The following MYRFL variants were observed in gnomAD, a reference collection of about 807,000 sequenced individuals.
MYRFL encodes myelin regulatory factor-like protein.
Under a neutral mutation model 109.4 loss-of-function variants are expected in MYRFL, and 88 were observed. The observed-to-expected ratio is 0.80, with a 90% confidence interval of 0.68 to 0.96. MYRFL has a LOEUF of 0.96. Ranked by LOEUF, MYRFL falls within the 40% of genes least tolerant of loss-of-function variation. The pLI is 0.00. For missense variants in MYRFL, 957 were observed against 954.9 expected (o/e 1.00, Z -0.03); for synonymous variants, 324 against 320.9 (o/e 1.01, Z -0.10).
intron 1 of MYRFL, among the ~76,000 whole-genome samples, chr12:69,850,748 C>G (rs1049137582): frequency 6.6e-6 from 1 of 152,114 alleles, no homozygotes; most frequent in Non-Finnish European, 1.5e-5. Flanking sequence ...GAATTTCAGT[C>G]TAAATCCTAT....
intron 19 of MYRFL, among the ~76,000 whole-genome samples, chr12:69,939,837 G>C (rs1436106684): frequency 6.6e-6 from 1 of 152,142 alleles, no homozygotes; most frequent in Non-Finnish European, 1.5e-5. Flanking sequence ...CCAATACAGA[G>C]AAGTGCTTAA....
intron 20 of MYRFL, 122 bp downstream of exon 20, chr12:69,952,297 A>G: frequency 1.2e-6 from 1 of 826,148 alleles, no homozygotes; most frequent in Admixed American, 2.0e-5. Flanking sequence ...TGCCACGCAT[A>G]TCCATGGGAC....
chr12:69,851,444 A>T (rs182573928), intron 1 of MYRFL, among the ~76,000 whole-genome samples: 1 of 152,354 alleles, frequency 6.6e-6, no homozygotes, highest in African/African-American at 2.4e-5. Flanking sequence ...ACTTATGAAC[A>T]TCAAAACATG....
chr12:69,879,260 G>A lies in MYRFL; in HGVS notation c.271G>A (p.Ala91Thr), dbSNP rs1266039775. The A allele has an allele frequency of 5.7e-6, 4 of 702,762 alleles. No individual in the cohort carries two copies. Among genetic ancestry groups the A allele is most frequent in the African/African-American group, 5.2e-5 (3 of 57,250 alleles). 43.5% of individuals were successfully genotyped at this position (702,762 alleles called of 1,614,324 possible). A position where few individuals can be genotyped will look rare whatever the true frequency, so the allele number is the denominator to read the frequency against. ...TCCAGCTCCTTTTCTCCACCCCACA[G>A]CTGCTCCTGCGATGCCGCCCATGCA... Reference protein sequence around the residue: ...RTPAPFLHPTAAPAMPPMHPL... With the variant: ...RTPAPFLHPTTAPAMPPMHPL... The change falls in exon 4 of 25, where the codon GCT becomes ACT. Residue 91 changes from alanine (A) to threonine (T), a missense_variant. Coordinates refer to ENST00000552032, the MANE Select transcript of MYRFL (RefSeq NM_182530.3).
chr12:69,890,123 C>T (rs1231431836), intron 6 of MYRFL, among the ~76,000 whole-genome samples: 2 of 152,158 alleles, frequency 1.3e-5, no homozygotes, highest in South Asian at 4.1e-4. Flanking sequence ...GATTGTATAA[C>T]TGGCTCTGGT....
At chr12:69,932,856 G>A (rs1955310567) in intron 16 of MYRFL, among the ~76,000 whole-genome samples, 1 of 98,934 alleles carries the variant, frequency 1.0e-5, no homozygotes, top group African/African-American at 3.2e-5. Flanking sequence ...AGCAAACTGT[G>A]CCTTTCGTGT....
At chr12:69,902,603 G>A (rs1195672680) in intron 10 of MYRFL, among the ~76,000 whole-genome samples, 1 of 152,062 alleles carries the variant, frequency 6.6e-6, no homozygotes, top group African/African-American at 2.4e-5. Flanking sequence ...AGATAATCAG[G>A]ATCACAACTG....
intron 19 of MYRFL, among the ~76,000 whole-genome samples, chr12:69,946,090 A>C (rs1455642382): frequency 2.0e-5 from 3 of 151,400 alleles, no homozygotes; most frequent in Non-Finnish European, 4.4e-5. Flanking sequence ...AATGTATACT[A>C]ATTTATTATT....
chr12:69,932,161 G>A lies in MYRFL; in HGVS notation c.1831-352G>A, dbSNP rs991786175. 1.2e-3 allele frequency among the ~76,000 whole-genome samples: 170 copies of A among 140,096 alleles called. 1 individual carries two copies. Among genetic ancestry groups the A allele is most frequent in the Non-Finnish European group, 2.1e-3 (128 of 61,050 alleles). 91.9% of individuals were successfully genotyped at this position (140,096 alleles called of 152,430 possible). A position where few individuals can be genotyped will look rare whatever the true frequency, so the allele number is the denominator to read the frequency against. Reference sequence around the variant, plus strand: ...TTTTCAAAAGTATCCTACTCAAAGAGATGCACATCATCTGTGGTCTGACAA... The same window carrying A: ...TTTTCAAAAGTATCCTACTCAAAGAAATGCACATCATCTGTGGTCTGACAA... On this transcript the variant is annotated intron_variant, in intron 15 of 24. Transcript: ENST00000552032.
intron 13 of MYRFL, among the ~76,000 whole-genome samples, chr12:69,923,072 T>A (rs1378377393): frequency 1.3e-5 from 2 of 152,258 alleles, no homozygotes; most frequent in Non-Finnish European, 2.9e-5. Flanking sequence ...AAACTATTTT[T>A]AAAAATTGAA....
At chr12:69,908,369 G>A (rs1954444024) in intron 11 of MYRFL, among the ~76,000 whole-genome samples, 1 of 152,210 alleles carries the variant, frequency 6.6e-6, no homozygotes, top group Non-Finnish European at 1.5e-5. Flanking sequence ...ATAAAGCAGA[G>A]GAACTTTGCC....
chr12:69,908,848 A>G (rs1477356081), intron 11 of MYRFL, among the ~76,000 whole-genome samples: 2 of 152,090 alleles, frequency 1.3e-5, no homozygotes, highest in East Asian at 1.9e-4. Flanking sequence ...AGATTGTTTC[A>G]TCACCCAGGT....
chr12:69,825,524 GTGGTAGGCGAAA>G lies in MYRFL; in HGVS notation c.8_19del (p.Val3_Asn7delinsAsp). The G allele has an allele frequency of 1.4e-6, 1 of 701,982 alleles. No individual in the cohort carries two copies. The highest frequency in any genetic ancestry group is 2.7e-5 in the East Asian group (1 of 37,264). The allele number at this position is 701,982 out of a possible 1,614,324, so 43.5% of individuals were successfully genotyped here. The stretch of plus-strand genomic sequence containing the variant: ...GTACTAGGATCACAGTACCATGGAT[GTGGTAGGCGAAA>G]ATGAGGCCCTGCAGCAGTTCTTTGA... On this transcript the variant is annotated inframe_deletion, in exon 1 of 25. Transcript: ENST00000552032.
At chr12:69,949,450 C>T (rs1036159944) in intron 19 of MYRFL, among the ~76,000 whole-genome samples, 1 of 152,158 alleles carries the variant, frequency 6.6e-6, no homozygotes, top group Admixed American at 6.5e-5. Flanking sequence ...ACTCCCTGGG[C>T]TCCCTCCCTG....
At chr12:69,943,056 T>G (rs1955714364) in intron 19 of MYRFL, among the ~76,000 whole-genome samples, 1 of 151,140 alleles carries the variant, frequency 6.6e-6, no homozygotes, top group Non-Finnish European at 1.5e-5. Context: ...TGGAAGAACA[T>G]TCCATGCTCA....
chr12:69,955,232 T>C (rs1956065896), intron 21 of MYRFL, 131 bp from the exon 22 acceptor site: 2 of 380,138 alleles, frequency 5.3e-6, no homozygotes, highest in Non-Finnish European at 9.3e-6. Flanking sequence ...CAGGTTGAAC[T>C]CAGTTTTCCA....
At chr12:69,951,775 C>G (rs1955982567) in intron 19 of MYRFL, among the ~76,000 whole-genome samples, 1 of 152,128 alleles carries the variant, frequency 6.6e-6, no homozygotes, top group Non-Finnish European at 1.5e-5. Flanking sequence ...GTATTAGAAC[C>G]CACCCTGACA....
At chr12:69,874,331 C>T (rs1278018727) in intron 2 of MYRFL, among the ~76,000 whole-genome samples, 1 of 152,164 alleles carries the variant, frequency 6.6e-6, no homozygotes, top group African/African-American at 2.4e-5. Flanking sequence ...GTGCATGCCA[C>T]CACGCCCTGC....
intron 1 of MYRFL, among the ~76,000 whole-genome samples, chr12:69,854,354 A>AGGGAGC: frequency 6.8e-6 from 1 of 147,482 alleles, no homozygotes; most frequent in Admixed American, 6.7e-5. Flanking sequence ...GGGGAGGGAG[A>AGGGAGC]GGGAGAGGGA....
Sources: allele counts gnomAD v4.1 joint callset (sites outside exome capture counted in the v4.1 genomes callset), GRCh38; gene constraint gnomAD v4.1.1; transcripts MANE v1.5; gene names NCBI Gene and HGNC (gene_info 2026-07-23, HGNC 2026-07-21).